The following SRGAP3 variants were observed in gnomAD, a reference collection of about 807,000 sequenced individuals.
SRGAP3 encodes the protein SLIT-ROBO Rho GTPase activating protein 3, also known as SLIT-ROBO Rho GTPase-activating protein 3.
In SRGAP3, 39 loss-of-function variants were observed where a neutral mutation model predicts 121.1. That is an observed-to-expected ratio of 0.32 (90% CI 0.25 to 0.42). SRGAP3 has a LOEUF of 0.42. Among genes scored for constraint, SRGAP3 ranks in the 10% least tolerant of loss-of-function variants. The pLI is 1.00. For missense variants in SRGAP3, 1,213 were observed against 1,470.6 expected (o/e 0.82, Z 2.86); for synonymous variants, 601 against 570.0 (o/e 1.05, Z -0.77).
Position 9,185,721 on chromosome 3 carries a change from G to C in SRGAP3, c.68-60804C>G, listed in dbSNP as rs1273043320. On this transcript the variant is annotated intron_variant, in intron 1 of 21. Transcript: ENST00000383836. ...CTAAGGCCTGACTAATTTTTTTTTT[G>C]AGACAGGGTCTTACTATGTTGCTCA... 8.0e-5 allele frequency among the ~76,000 whole-genome samples: 12 copies of C among 150,832 alleles called. No homozygotes were observed. In the Middle Eastern group the frequency reaches 0.01, roughly 128 times the overall value.
At chr3:9,223,035 T>C (rs925635827) in intron 1 of SRGAP3, among the ~76,000 whole-genome samples, 5 of 152,206 alleles carry the variant, frequency 3.3e-5, no homozygotes, top group Non-Finnish European at 7.3e-5. Flanking sequence ...AGTCCTTGTG[T>C]GAGACTCACT....
At chr3:9,098,331 C>T (rs1948073187) in intron 3 of SRGAP3, among the ~76,000 whole-genome samples, 2 of 152,212 alleles carry the variant, frequency 1.3e-5, no homozygotes, top group Admixed American at 1.3e-4. Context: ...CAGTGCAATG[C>T]AGTGATCACA....
rs1259832081 is a variant in SRGAP3 at position 9,056,214 on chromosome 3, G to A, written c.1125+19C>T. The A allele has an allele frequency of 6.2e-7, 1 of 1,612,832 alleles. No homozygotes were observed. Among genetic ancestry groups the A allele is most frequent in the East Asian group, 2.2e-5 (1 of 44,874 alleles). On this transcript the variant is annotated intron_variant, in intron 8 of 21. Coordinates refer to ENST00000383836, the MANE Select transcript of SRGAP3 (RefSeq NM_014850.4). Reference sequence around the variant, plus strand: ...GCCTTCCAAAGAAAATCCCTTATAGGGCAGAGGGGCTCACTCACCTCCTCA... The same window carrying A: ...GCCTTCCAAAGAAAATCCCTTATAGAGCAGAGGGGCTCACTCACCTCCTCA...
intron 5 of SRGAP3, among the ~76,000 whole-genome samples, chr3:9,063,665 G>C (rs181677807): frequency 1.1e-3 from 161 of 152,234 alleles, no homozygotes; most frequent in Middle Eastern, 0.01. Flanking sequence ...AACTAAATCT[G>C]TTTCGAGTTT....
chr3:9,269,478 A>G (rs929633819), intron 3 of SRGAP3, among the ~76,000 whole-genome samples: 2 of 152,180 alleles, frequency 1.3e-5, no homozygotes, highest in Admixed American at 6.5e-5. Flanking sequence ...ACTCCTCAAG[A>G]CCAATTCTTA....
chr3:9,136,216 GC>G (rs1949642066), intron 1 of SRGAP3, among the ~76,000 whole-genome samples: 1 of 152,174 alleles, frequency 6.6e-6, no homozygotes, highest in Non-Finnish European at 1.5e-5. Flanking sequence ...CTCGTGCGCT[GC>G]CCGGACACGG....
In SRGAP3 at chr3:8,981,963, C is replaced by G. The variant is rs1941438066; in HGVS notation, c.*3556G>C. On this transcript the variant is annotated 3_prime_UTR_variant, in exon 22 of 22. Coordinates refer to ENST00000383836, the MANE Select transcript of SRGAP3 (RefSeq NM_014850.4). ...GCTTCGAGGTGAGAAATCGTTAGCA[C>G]TGAAACAAGGAAAGGCAAGAATTTT... 4.4e-6 allele frequency: 1 copy of G among 226,122 alleles called. No homozygotes were observed. The highest frequency in any genetic ancestry group is 8.8e-6 in the Non-Finnish European group (1 of 113,722). The allele number at this position is 226,122 out of a possible 1,614,324, so 14.0% of individuals were successfully genotyped here.
chr3:9,038,160 C>T, intron 10 of SRGAP3, 70 bp from the exon 11 acceptor site: 1 of 1,594,876 alleles, frequency 6.3e-7, no homozygotes. Flanking sequence ...TCATCTTTTT[C>T]TAAAAACAAA....
chr3:9,192,524 T>C (rs2125140940), intron 1 of SRGAP3: 1 of 152,262 alleles, frequency 6.6e-6, no homozygotes, highest in African/African-American at 2.4e-5. Flanking sequence ...TCACACATCA[T>C]TGCTGGGAGA....
At chr3:9,028,513 A>G (rs1437033127) in intron 12 of SRGAP3, among the ~76,000 whole-genome samples, 1 of 152,194 alleles carries the variant, frequency 6.6e-6, no homozygotes, top group Non-Finnish European at 1.5e-5. Context: ...CATGGACAAA[A>G]GCTACCTACG....
At chr3:9,312,341 G>A (rs191218404) in intron 3 of SRGAP3, among the ~76,000 whole-genome samples, 2 of 152,286 alleles carry the variant, frequency 1.3e-5, no homozygotes, top group East Asian at 1.9e-4. Context: ...ATTTTTAGTA[G>A]AGACGGAGTT....
At chr3:9,059,928 C>T in intron 6 of SRGAP3, 1 of 409,992 alleles carries the variant, frequency 2.4e-6, no homozygotes, top group Non-Finnish European at 4.6e-6. Flanking sequence ...ACCCCTCAAA[C>T]CCAGCAAAGG....
At chr3:9,150,842 G>C (rs1295463161) in intron 1 of SRGAP3, among the ~76,000 whole-genome samples, 5 of 152,150 alleles carry the variant, frequency 3.3e-5, no homozygotes, top group Non-Finnish European at 7.3e-5. Context: ...CTCCCTAATG[G>C]ACCACATCTT....
chr3:9,272,582 T>C lies in SRGAP3; in HGVS notation n.442+53428A>G, dbSNP rs560241910. Among the ~76,000 whole-genome samples the C allele has an allele frequency of 7.9e-5, 12 of 152,326 alleles. No homozygotes were observed. The East Asian group carries it at 2.3e-3, about 29-fold the overall frequency. On this transcript the variant is annotated intron_variant and non_coding_transcript_variant, in intron 3 of 3. Coordinates refer to the SRGAP3 transcript ENST00000490889. ...ATCCATGTGGTAGCATGGGTCAGAG[T>C]TTCCTTCCTCTTTAAGGATGAATAA...
chr3:9,112,167 C>T (rs1377661835), intron 2 of SRGAP3, among the ~76,000 whole-genome samples: 1 of 152,218 alleles, frequency 6.6e-6, no homozygotes, highest in Admixed American at 6.5e-5. Context: ...TGCAGAGTCC[C>T]ATGTTCCAGA....
chr3:9,322,028 C>T (rs1478317347), intron 3 of SRGAP3, among the ~76,000 whole-genome samples: 1 of 151,382 alleles, frequency 6.6e-6, no homozygotes, highest in Non-Finnish European at 1.5e-5. Context: ...AAGAAAAAGG[C>T]AAGTAAGTAG....
chr3:9,131,434 T>TC (rs1949443164), intron 1 of SRGAP3, among the ~76,000 whole-genome samples: 3 of 29,522 alleles, frequency 1.0e-4, no homozygotes, highest in Middle Eastern at 0.014. Context: ...GATCTAATTC[T>TC]TTTTTTTTTT....
intron 5 of SRGAP3, among the ~76,000 whole-genome samples, chr3:9,062,513 A>G (rs1313792818): frequency 1.3e-5 from 2 of 152,148 alleles, no homozygotes; most frequent in East Asian, 3.8e-4. Context: ...TGCTGCACCC[A>G]TTCACAGTCA....
At chr3:9,064,997 G>A (rs1946360444) in intron 4 of SRGAP3, among the ~76,000 whole-genome samples, 1 of 152,166 alleles carries the variant, frequency 6.6e-6, no homozygotes, top group African/African-American at 2.4e-5. Flanking sequence ...CCTGCCAGTA[G>A]TGACTGTGGC....
Sources: allele counts gnomAD v4.1 joint callset (sites outside exome capture counted in the v4.1 genomes callset), GRCh38; gene constraint gnomAD v4.1.1; transcripts MANE v1.5; gene names NCBI Gene and HGNC (gene_info 2026-07-23, HGNC 2026-07-21).